Variants in LARP1B observed in about 807,000 individuals in gnomAD.
The protein encoded by LARP1B is La ribonucleoprotein 1B.
In LARP1B, 76 loss-of-function variants were observed where a neutral mutation model predicts 114.2. The observed-to-expected ratio is 0.67, with a 90% confidence interval of 0.55 to 0.81. LARP1B has a LOEUF of 0.81. LARP1B is among the 30% of genes least tolerant of loss of function. LARP1B has a pLI of 0.00. For synonymous variants in LARP1B, 345 were observed against 348.0 expected (o/e 0.99, Z 0.10); for missense variants, 1,014 against 1,075.8 (o/e 0.94, Z 0.80).
Position 128,200,600 on chromosome 4 carries a change from C to T in LARP1B, c.2244C>T (p.His748=). 1 of 1,595,588 alleles carries T rather than the reference C, an allele frequency of 6.3e-7. No homozygotes were observed. Among genetic ancestry groups the T allele is most frequent in the Non-Finnish European group, 8.5e-7 (1 of 1,170,602 alleles). Residue 748 remains histidine, a synonymous_variant, in exon 17 of 20, where the codon CAC becomes CAT. Transcript: ENST00000326639. ...TCTGGTCCTTTTTCCTCAGAGATCA[C>T]TTCAATAAAAAAATGTATGAGGAAT... ...FRFWSFFLRD[H]FNKKMYEEFR... is the part of the protein sequence containing the mutation.
At chr4:128,144,590 C>T (rs1052451032) in intron 11 of LARP1B, among the ~76,000 whole-genome samples, 1 of 152,044 alleles carries the variant, frequency 6.6e-6, no homozygotes, top group Non-Finnish European at 1.5e-5. Context: ...CCACATCAGC[C>T]TCCTGAGTAG....
intron 1 of LARP1B, chr4:128,061,632 CG>C: frequency 1.0e-6 from 1 of 961,640 alleles, no homozygotes; most frequent in Non-Finnish European, 1.2e-6. Flanking sequence ...GGCGGAGAGA[CG>C]GGCAGTCGGG....
At chr4:128,159,318 CTG>C (rs1737306826) in intron 11 of LARP1B, among the ~76,000 whole-genome samples, 1 of 152,144 alleles carries the variant, frequency 6.6e-6, no homozygotes, top group South Asian at 2.1e-4. Context: ...AGACACTGAA[CTG>C]TATTATTACC....
intron 3 of LARP1B, 71 bp from the exon 4 acceptor site, chr4:128,077,717 T>C: frequency 7.0e-7 from 1 of 1,432,988 alleles, no homozygotes; most frequent in Non-Finnish European, 9.2e-7. Flanking sequence ...TTAGGTATAT[T>C]GCCACAAATT....
chr4:128,111,913 C>G (rs1348627728), intron 9 of LARP1B, among the ~76,000 whole-genome samples: 1 of 151,074 alleles, frequency 6.6e-6, no homozygotes, highest in Non-Finnish European at 1.5e-5. Flanking sequence ...TGGTCTTGAA[C>G]TCCTGACCTC....
At chr4:128,064,488 G>A (rs920875482) in intron 1 of LARP1B, among the ~76,000 whole-genome samples, 8 of 152,076 alleles carry the variant, frequency 5.3e-5, no homozygotes, top group African/African-American at 7.2e-5. Context: ...TTCCTTCCTC[G>A]CTATAAAGAG....
At chr4:128,183,892 A>G (rs867176315) in intron 15 of LARP1B, among the ~76,000 whole-genome samples, 5 of 152,344 alleles carry the variant, frequency 3.3e-5, no homozygotes, top group Middle Eastern at 3.4e-3. Flanking sequence ...TGAGAGGCTC[A>G]GACTTCAGTG....
chr4:128,063,427 CAAAA>C (rs763868048), intron 1 of LARP1B, among the ~76,000 whole-genome samples: 495 of 13,052 alleles, frequency 0.038, 2 homozygotes, highest in East Asian at 0.23. Context: ...GACCCACTCT[CAAAA>C]AAAAAAAAAA....
intron 11 of LARP1B, among the ~76,000 whole-genome samples, chr4:128,142,806 G>A (rs1457921268): frequency 2.0e-5 from 3 of 151,836 alleles, no homozygotes; most frequent in African/African-American, 7.3e-5. Context: ...CTGTGCCTGG[G>A]TTATGTTGTA....
At chr4:128,132,124 T>A (rs1160226977) in intron 11 of LARP1B, among the ~76,000 whole-genome samples, 1 of 152,232 alleles carries the variant, frequency 6.6e-6, no homozygotes, top group Admixed American at 6.5e-5. Context: ...AATGTTCATT[T>A]CAGCATTTCA....
intron 11 of LARP1B, among the ~76,000 whole-genome samples, chr4:128,124,217 TTAAAAA>T (rs1312741340): frequency 3.9e-5 from 6 of 152,240 alleles, no homozygotes; most frequent in African/African-American, 1.4e-4. Flanking sequence ...GGGAACAGAC[TTAAAAA>T]TAAACCCACA....
intron 1 of LARP1B, chr4:128,069,045 C>T (rs1258177334): frequency 1.2e-5 from 12 of 966,466 alleles, no homozygotes; most frequent in Non-Finnish European, 1.7e-5. Context: ...GAGAGTATTG[C>T]GCCTTCTCCA....
downstream of LARP1B, among the ~76,000 whole-genome samples, chr4:128,216,889 G>T (rs1180012368): frequency 6.6e-6 from 1 of 152,040 alleles, no homozygotes; most frequent in Non-Finnish European, 1.5e-5. Flanking sequence ...AAAATTGATA[G>T]ACCGCTAGCA....
At chr4:128,080,062 G>A (rs1370104067) in intron 4 of LARP1B, among the ~76,000 whole-genome samples, 2 of 149,018 alleles carry the variant, frequency 1.3e-5, no homozygotes, top group Admixed American at 6.7e-5. Flanking sequence ...CCAGCTCACT[G>A]CAACCTCTGC....
chr4:128,193,603 ATTTTATTT>A (rs1752990756), intron 15 of LARP1B, among the ~76,000 whole-genome samples: 1 of 150,854 alleles, frequency 6.6e-6, no homozygotes, highest in South Asian at 2.1e-4. Flanking sequence ...CTCCTTTTTT[ATTTTATTT>A]TTTTATTTTT....
intron 13 of LARP1B, 47 bp downstream of exon 13, chr4:128,176,954 A>G (rs1486235006): frequency 6.6e-7 from 1 of 1,520,836 alleles, no homozygotes; most frequent in Non-Finnish European, 9.1e-7. Flanking sequence ...TATCCTTTGC[A>G]TTGGGTATAC....
At chr4:128,077,728 T>C (rs186020979) in intron 3 of LARP1B, 60 bp from the exon 4 acceptor site, 2 of 1,443,852 alleles carry the variant, frequency 1.4e-6, no homozygotes, top group Non-Finnish European at 1.8e-6. Flanking sequence ...GCCACAAATT[T>C]TTGGGTATGT....
intron 11 of LARP1B, among the ~76,000 whole-genome samples, chr4:128,132,145 A>G (rs1185975473): frequency 6.6e-6 from 1 of 152,266 alleles, no homozygotes; most frequent in Admixed American, 6.5e-5. Context: ...AAAAATGAAC[A>G]GAACTCAGAT....
chr4:128,222,242 C>A, intron 7 of LARP1B: 1 of 443,550 alleles, frequency 2.3e-6, no homozygotes, highest in Non-Finnish European at 4.6e-6. Context: ...GACCAAGTGA[C>A]AAGAGCATGA....
Sources: allele counts gnomAD v4.1 joint callset (sites outside exome capture counted in the v4.1 genomes callset), GRCh38; gene constraint gnomAD v4.1.1; transcripts MANE v1.5; gene names NCBI Gene and HGNC (gene_info 2026-07-23, HGNC 2026-07-21).